CLSTN2: variants seen among roughly 807,000 people sequenced by gnomAD.
CLSTN2 encodes calsyntenin 2.
CLSTN2 carries 48 observed loss-of-function variants against 101.2 expected under a neutral mutation model. The ratio of observed to expected loss-of-function variants is 0.47; its 90% CI spans 0.38 to 0.60. The LOEUF is 0.60. Ranked by LOEUF, CLSTN2 falls within the 20% of genes least tolerant of loss-of-function variation. The pLI is 0.00. For synonymous variants in CLSTN2, 481 were observed against 463.6 expected (o/e 1.04, Z -0.48); for missense variants, 1,160 against 1,238.2 (o/e 0.94, Z 0.95).
intron 1 of CLSTN2, among the ~76,000 whole-genome samples, chr3:140,135,810 C>A (rs1228150754): frequency 6.6e-6 from 1 of 152,088 alleles, no homozygotes; most frequent in Non-Finnish European, 1.5e-5. Flanking sequence ...TGTCCAGATC[C>A]CCTCCATTTT....
chr3:140,037,979 G>T (rs1475651510), intron 1 of CLSTN2, among the ~76,000 whole-genome samples: 2 of 152,056 alleles, frequency 1.3e-5, no homozygotes, highest in African/African-American at 2.4e-5. Flanking sequence ...CATGTCTTTG[G>T]AATTGTGAAT....
chr3:140,349,076 C>T (rs11706485), intron 2 of CLSTN2, among the ~76,000 whole-genome samples: 65,488 of 152,100 alleles, frequency 0.43, 15,085 homozygotes, highest in Non-Finnish European at 0.53. Flanking sequence ...CCATTCTGCT[C>T]TTGTGATAGT....
intron 9 of CLSTN2, among the ~76,000 whole-genome samples, chr3:140,535,292 A>C (rs1320192917): frequency 1.3e-5 from 2 of 152,224 alleles, no homozygotes; most frequent in Non-Finnish European, 2.9e-5. Context: ...TTAGGGTGGG[A>C]AATATTATTT....
intron 2 of CLSTN2, among the ~76,000 whole-genome samples, chr3:140,341,190 A>T (rs1338481016): frequency 6.6e-6 from 1 of 152,236 alleles, no homozygotes; most frequent in Non-Finnish European, 1.5e-5. Flanking sequence ...TTACTTGTAT[A>T]ATCAAAGAGA....
Position 140,570,410 on chromosome 3 carries a change from T to A in CLSTN2, c.*4157T>A, listed in dbSNP as rs1317286244. On this transcript the variant is annotated 3_prime_UTR_variant, in exon 17 of 17. Transcript: ENST00000458420. ...GGTATTATAAGTAACCTAGAGATGA[T>A]TTGAAGAACACAGGAAGTTGTGCAT... The A allele has an allele frequency of 6.6e-6, 1 of 152,184 alleles. No homozygotes were observed. The highest frequency in any genetic ancestry group is 1.5e-5 in the Non-Finnish European group (1 of 68,026). The allele number at this position is 152,184 out of a possible 1,614,324, so 9.4% of individuals were successfully genotyped here.
At chr3:140,113,349 T>G (rs964367815) in intron 1 of CLSTN2, among the ~76,000 whole-genome samples, 2 of 152,284 alleles carry the variant, frequency 1.3e-5, no homozygotes, top group Admixed American at 6.5e-5. Flanking sequence ...CTGCAGACTG[T>G]GTGCAGACCC....
chr3:140,490,396 A>G (rs1028847843), intron 8 of CLSTN2, among the ~76,000 whole-genome samples: 1 of 151,162 alleles, frequency 6.6e-6, no homozygotes, highest in Admixed American at 6.6e-5. Flanking sequence ...AATGGGCAAC[A>G]CTGCGGAATC....
chr3:140,142,276 G>A (rs557495459), intron 1 of CLSTN2, among the ~76,000 whole-genome samples: 46 of 152,252 alleles, frequency 3.0e-4, no homozygotes, highest in African/African-American at 9.9e-4. Flanking sequence ...GACTAATGGA[G>A]GTATCTGCTT....
intron 1 of CLSTN2, among the ~76,000 whole-genome samples, chr3:140,135,941 A>G (rs1576440750): frequency 6.6e-6 from 1 of 152,184 alleles, no homozygotes; most frequent in Non-Finnish European, 1.5e-5. Flanking sequence ...TTAGATCTCT[A>G]TCTTGGAGCA....
Position 140,525,678 on chromosome 3 carries a change from A to G in CLSTN2, c.1345-6646A>G, listed in dbSNP as rs80039711. On this transcript the variant is annotated intron_variant, in intron 8 of 16. Transcript: ENST00000458420. ...ATGAACATAGATGTAAAAATCCCCA[A>G]TGAAATACTAGCAAACTGAATACAG... Among the ~76,000 whole-genome samples the G allele has an allele frequency of 2.8e-3, 434 of 152,308 alleles. 1 individual carries two copies. The highest frequency in any genetic ancestry group is 4.2e-3 in the Non-Finnish European group (285 of 68,022).
At chr3:140,320,408 C>T (rs373145789) in intron 2 of CLSTN2, among the ~76,000 whole-genome samples, 6 of 152,024 alleles carry the variant, frequency 3.9e-5, no homozygotes, top group East Asian at 1.9e-4. Context: ...GAAGAGTGAG[C>T]GATAGGACTA....
At chr3:140,412,710 C>T (rs1459591247) in intron 4 of CLSTN2, among the ~76,000 whole-genome samples, 5 of 152,012 alleles carry the variant, frequency 3.3e-5, no homozygotes, top group African/African-American at 7.3e-5. Flanking sequence ...TCAACCATGA[C>T]GGTATGAAAC....
chr3:140,558,491 A>G (rs966588817), intron 11 of CLSTN2, 149 bp from the exon 12 acceptor site: 2 of 593,270 alleles, frequency 3.4e-6, no homozygotes, highest in Non-Finnish European at 2.9e-6. Flanking sequence ...TGTGGCTTTA[A>G]ATTTGAATGT....
chr3:139,939,768 C>T (rs1935094098), intron 1 of CLSTN2, among the ~76,000 whole-genome samples: 1 of 152,210 alleles, frequency 6.6e-6, no homozygotes, highest in Non-Finnish European at 1.5e-5. Flanking sequence ...TCTAAGTCAT[C>T]TTTGGGTAAG....
Position 140,489,923 on chromosome 3 carries a change from G to A in CLSTN2, c.1344+23192G>A, listed in dbSNP as rs141679894. Among the ~76,000 whole-genome samples, 563 of 148,956 alleles carry A rather than the reference G, an allele frequency of 3.8e-3. 1 individual carries two copies. The highest frequency in any genetic ancestry group is 6.9e-3 in the Middle Eastern group (2 of 290). On this transcript the variant is annotated intron_variant, in intron 8 of 16. Transcript: ENST00000458420. ...AGAGAAATAGTGCGTCTAGGGTCCC[G>A]GACAGGTACAGGTCGTTAGTCTATA...
At chr3:140,176,636 G>A (rs1248536817) in intron 2 of CLSTN2, among the ~76,000 whole-genome samples, 1 of 152,212 alleles carries the variant, frequency 6.6e-6, no homozygotes, top group African/African-American at 2.4e-5. Flanking sequence ...GGCTACCTCT[G>A]TTTCCTCCTC....
chr3:140,106,872 T>C (rs1294194546), intron 1 of CLSTN2, among the ~76,000 whole-genome samples: 1 of 152,216 alleles, frequency 6.6e-6, no homozygotes, highest in African/African-American at 2.4e-5. Flanking sequence ...TGCCTGTGTG[T>C]TATTTTGGCT....
intron 1 of CLSTN2, among the ~76,000 whole-genome samples, chr3:140,099,084 C>G (rs1323729443): frequency 6.6e-6 from 1 of 152,170 alleles, no homozygotes; most frequent in Non-Finnish European, 1.5e-5. Context: ...GTATGTGGCT[C>G]AATCTCACCC....
At chr3:140,524,859 C>A (rs767053776) in intron 8 of CLSTN2, among the ~76,000 whole-genome samples, 1 of 152,124 alleles carries the variant, frequency 6.6e-6, no homozygotes, top group African/African-American at 2.4e-5. Context: ...GGGTGAACAA[C>A]AAAATTAAGG....
Sources: gnomAD v4.1 joint callset for allele counts (sites outside exome capture counted in the v4.1 genomes callset) on GRCh38, gnomAD v4.1.1 for gene constraint, MANE v1.5 for transcripts, NCBI Gene and HGNC (gene_info 2026-07-23, HGNC 2026-07-21) for gene names.